Variants in SERAC1 observed in about 807,000 individuals in gnomAD.
The protein encoded by SERAC1 is serine active site containing 1, also known as protein SERAC1.
In SERAC1, 36 loss-of-function variants were observed where a neutral mutation model predicts 85.7. That is an observed-to-expected ratio of 0.42 (90% CI 0.32 to 0.55). SERAC1 has a LOEUF of 0.55. Among genes scored for constraint, SERAC1 ranks in the 20% least tolerant of loss-of-function variants. SERAC1 has a pLI of 0.11. For synonymous variants in SERAC1, 242 were observed against 265.3 expected (o/e 0.91, Z 0.85); for missense variants, 629 against 796.2 (o/e 0.79, Z 2.53).
intron 1 of SERAC1, chr6:158,159,436 T>C (rs1305385342): frequency 1.3e-5 from 2 of 149,534 alleles, no homozygotes; most frequent in East Asian, 4.0e-4. Flanking sequence ...GACGCTGAGG[T>C]TGCAGTGAGC....
intron 3 of SERAC1, chr6:158,152,848 C>T (rs1274442267): frequency 1.3e-5 from 2 of 152,198 alleles, no homozygotes; most frequent in Non-Finnish European, 2.9e-5. Flanking sequence ...GCTCTGCCAC[C>T]CAGGTCTGTG....
At chr6:158,156,026 G>C (rs1785324229) in intron 2 of SERAC1, among the ~76,000 whole-genome samples, 1 of 152,120 alleles carries the variant, frequency 6.6e-6, no homozygotes, top group African/African-American at 2.4e-5. Flanking sequence ...GCGCATGCCT[G>C]TAATCCCAGC....
At chr6:158,158,132 G>A in intron 2 of SERAC1, 141 bp downstream of exon 2, 1 of 526,580 alleles carries the variant, frequency 1.9e-6, no homozygotes, top group Non-Finnish European at 3.3e-6. Context: ...TAAATTTGGG[G>A]TGAACTATTA....
At position 158,137,361 on chromosome 6, in the gene SERAC1, C is replaced by T. The variant is rs371896035; in HGVS notation, c.738+5695G>A. On this transcript the variant is annotated intron_variant, in intron 8 of 16. Transcript: ENST00000647468. The stretch of plus-strand genomic sequence containing the variant: ...GGTGCTTCATTAAACATAAAGCATT[C>T]GTTGTTTTTTGTTTGTTTGTTTGTT... Among the ~76,000 whole-genome samples, 595 of 116,830 alleles carry T rather than the reference C, an allele frequency of 5.1e-3. 6 individuals carry two copies. Among genetic ancestry groups the T allele is most frequent in the African/African-American group, 0.02 (569 of 28,454 alleles). The allele number at this position is 116,830 out of a possible 152,430, so 76.6% of individuals were successfully genotyped here.
intron 8 of SERAC1, among the ~76,000 whole-genome samples, chr6:158,131,241 A>G (rs1005454666): frequency 3.3e-5 from 5 of 149,734 alleles, no homozygotes; most frequent in Non-Finnish European, 4.4e-5. Context: ...TCATAAACAT[A>G]AAGTTGTTAG....
intron 1 of SERAC1, 180 bp from the exon 2 acceptor site, chr6:158,158,544 A>C: frequency 2.0e-6 from 1 of 496,408 alleles, no homozygotes; most frequent in South Asian, 2.9e-5. Flanking sequence ...AAAGGGACTT[A>C]TTAGAATAAT....
intron 10 of SERAC1, among the ~76,000 whole-genome samples, chr6:158,124,764 CACACACACACACACACACACACACAT>C (rs1784500347): frequency 8.2e-6 from 1 of 121,856 alleles, no homozygotes; most frequent in Non-Finnish European, 1.7e-5. Context: ...CACACACACA[CACACACACACACACACACACACACAT>C]ACACACTCAA....
At chr6:158,140,796 C>T (rs914599385) in intron 8 of SERAC1, among the ~76,000 whole-genome samples, 1 of 152,146 alleles carries the variant, frequency 6.6e-6, no homozygotes, top group Non-Finnish European at 1.5e-5. Flanking sequence ...TTGAAGGACA[C>T]TGAGCTGATG....
intron 2 of SERAC1, among the ~76,000 whole-genome samples, chr6:158,157,350 C>T (rs1168966536): frequency 6.6e-6 from 1 of 152,112 alleles, no homozygotes; most frequent in Non-Finnish European, 1.5e-5. Context: ...AGAGCTTCAA[C>T]TCATGCTGCC....
chr6:158,167,529 C>A, intron 1 of SERAC1, among the ~76,000 whole-genome samples: 1 of 126,236 alleles, frequency 7.9e-6, no homozygotes, highest in East Asian at 2.4e-4. Flanking sequence ...CAGACCGAGA[C>A]TCCATCTCAA....
intron 8 of SERAC1, among the ~76,000 whole-genome samples, chr6:158,139,233 G>A (rs1229684867): frequency 6.6e-6 from 1 of 152,080 alleles, no homozygotes; most frequent in Non-Finnish European, 1.5e-5. Flanking sequence ...AACATTTGGG[G>A]TGCACAGGTC....
chr6:158,156,780 ATATAT>A (rs1022799766), intron 2 of SERAC1, among the ~76,000 whole-genome samples: 32 of 139,656 alleles, frequency 2.3e-4, no homozygotes, highest in Admixed American at 3.9e-4. Flanking sequence ...TATATAATAA[ATATAT>A]TATATATGTT....
intron 8 of SERAC1, among the ~76,000 whole-genome samples, chr6:158,135,519 C>A (rs910460966): frequency 2.0e-5 from 3 of 151,574 alleles, no homozygotes; most frequent in East Asian, 2.0e-4. Context: ...GGTGACAGAG[C>A]GAGACTTCAT....
chr6:158,149,021 ACT>A (rs1313498756), intron 4 of SERAC1, 67 bp from the exon 5 acceptor site: 1 of 1,216,658 alleles, frequency 8.2e-7, no homozygotes, highest in Non-Finnish European at 1.1e-6. Context: ...ATGGAATCTT[ACT>A]CTGTCGCCCA....
At chr6:158,155,104 TAC>T (rs2128423851) in intron 3 of SERAC1, among the ~76,000 whole-genome samples, 1 of 152,296 alleles carries the variant, frequency 6.6e-6, no homozygotes, top group South Asian at 2.1e-4. Flanking sequence ...GAGTTCCTAG[TAC>T]ACATTTGGCT....
chr6:158,167,512 T>G (rs1434451022), intron 1 of SERAC1, among the ~76,000 whole-genome samples: 2 of 125,470 alleles, frequency 1.6e-5, no homozygotes, highest in Admixed American at 2.1e-4. Context: ...CACTCCAGCC[T>G]GGCAGACAGA....
At chr6:158,148,690 A>C (rs1263041240) in intron 5 of SERAC1, among the ~76,000 whole-genome samples, 175 bp downstream of exon 5, 1 of 152,006 alleles carries the variant, frequency 6.6e-6, no homozygotes, top group Admixed American at 6.6e-5. Flanking sequence ...TGACCCACCC[A>C]CCTCAGCCTC....
At chr6:158,158,159 A>T in intron 2 of SERAC1, 114 bp downstream of exon 2, 1 of 705,558 alleles carries the variant, frequency 1.4e-6, no homozygotes, top group South Asian at 1.9e-5. Flanking sequence ...AAAGACATAA[A>T]CAAATTTGAG....
intron 15 of SERAC1, among the ~76,000 whole-genome samples, chr6:158,113,805 G>A (rs1184529265): frequency 6.6e-6 from 1 of 152,104 alleles, no homozygotes; most frequent in Admixed American, 6.5e-5. Context: ...AGCAGGAGAG[G>A]GTTTATCACA....
Sources: allele counts gnomAD v4.1 joint callset (sites outside exome capture counted in the v4.1 genomes callset), GRCh38; gene constraint gnomAD v4.1.1; transcripts MANE v1.5; gene names NCBI Gene and HGNC (gene_info 2026-07-23, HGNC 2026-07-21).